Variants in RSU1 observed in about 807,000 individuals in gnomAD.
The protein encoded by RSU1 is rsu-1.
In RSU1, 26 loss-of-function variants were observed where a neutral mutation model predicts 31.1. That is an observed-to-expected ratio of 0.84 (90% CI 0.61 to 1.16). RSU1 has a LOEUF of 1.16. Among genes scored for constraint, RSU1 ranks in the 50% most tolerant of loss-of-function variants. The pLI, the probability that RSU1 is intolerant of heterozygous loss-of-function variation, is 0.00. For missense variants in RSU1, 320 were observed against 339.1 expected (o/e 0.94, Z 0.44); for synonymous variants, 164 against 136.3 (o/e 1.20, Z -1.41).
At chr10:16,628,771 A>C (rs774539651) in intron 8 of RSU1, among the ~76,000 whole-genome samples, 9 of 152,140 alleles carry the variant, frequency 5.9e-5, no homozygotes, top group Non-Finnish European at 1.0e-4. Flanking sequence ...TTTATAATTA[A>C]GTTTTTGCCT....
chr10:16,814,180 G>C (rs568369100), intron 2 of RSU1, among the ~76,000 whole-genome samples: 1 of 152,254 alleles, frequency 6.6e-6, no homozygotes, highest in South Asian at 2.1e-4. Context: ...TAGCTCACAT[G>C]TGTAATGCCA....
intron 2 of RSU1, among the ~76,000 whole-genome samples, chr10:16,812,829 A>C (rs1838436169): frequency 6.6e-6 from 1 of 152,190 alleles, no homozygotes; most frequent in South Asian, 2.1e-4. Context: ...TACAGCTGGG[A>C]TTCTGTCTCT....
At chr10:16,694,349 TATAA>T (rs1292207384) in intron 8 of RSU1, among the ~76,000 whole-genome samples, 6 of 152,298 alleles carry the variant, frequency 3.9e-5, no homozygotes, top group Admixed American at 3.9e-4. Context: ...CTACTGATTT[TATAA>T]ATAAACTGCT....
intron 7 of RSU1, among the ~76,000 whole-genome samples, chr10:16,743,659 A>T (rs1054637460): frequency 3.3e-5 from 5 of 152,208 alleles, no homozygotes; most frequent in African/African-American, 1.2e-4. Flanking sequence ...TTTCATAGTA[A>T]TAGGATTTAG....
chr10:16,646,041 CATATATGTGTATATATATAT>C lies in RSU1; in HGVS notation c.731+48962_731+48981del, dbSNP rs1206980865. ...ATATGTGTATATATATGTGTATATA[CATATATGTGTATATATATAT>C]ACACACACACACACACACACACACA... On this transcript the variant is annotated intron_variant, in intron 8 of 8. Transcript: ENST00000345264. 3.0e-4 allele frequency among the ~76,000 whole-genome samples: 17 copies of C among 56,424 alleles called. 3 individuals carry two copies. Among genetic ancestry groups the C allele is most frequent in the East Asian group, 1.0e-3 (2 of 1,944 alleles). 37.0% of individuals were successfully genotyped at this position (56,424 alleles called of 152,430 possible). A position where few individuals can be genotyped will look rare whatever the true frequency, so the allele number is the denominator to read the frequency against.
At chr10:16,675,188 G>A (rs1189355783) in intron 8 of RSU1, among the ~76,000 whole-genome samples, 27 of 136,746 alleles carry the variant, frequency 2.0e-4, no homozygotes, top group South Asian at 4.9e-4. Flanking sequence ...GTAACAGAGC[G>A]AGACTCTGTC....
At chr10:16,757,368 G>A (rs906438725) in intron 4 of RSU1, among the ~76,000 whole-genome samples, 13 of 152,082 alleles carry the variant, frequency 8.5e-5, no homozygotes, top group African/African-American at 2.4e-4. Context: ...CCTACCAAGA[G>A]GGCCTCACCA....
At chr10:16,660,617 GT>G (rs1429275203) in intron 8 of RSU1, among the ~76,000 whole-genome samples, 1 of 126,118 alleles carries the variant, frequency 7.9e-6, no homozygotes. Flanking sequence ...TTTTTCATGA[GT>G]TTCCAGTTCA....
intron 8 of RSU1, among the ~76,000 whole-genome samples, chr10:16,609,593 T>C (rs1455866528): frequency 6.6e-6 from 1 of 152,224 alleles, no homozygotes; most frequent in Non-Finnish European, 1.5e-5. Context: ...ACGACGACAC[T>C]GGATGGAACA....
At chr10:16,811,083 T>C (rs370951471) in intron 2 of RSU1, among the ~76,000 whole-genome samples, 5 of 152,224 alleles carry the variant, frequency 3.3e-5, no homozygotes, top group Admixed American at 2.0e-4. Flanking sequence ...AACAATAATG[T>C]ACTATATTTT....
chr10:16,777,920 C>T (rs949717109), intron 3 of RSU1, among the ~76,000 whole-genome samples: 3 of 151,788 alleles, frequency 2.0e-5, no homozygotes, highest in Non-Finnish European at 2.9e-5. Context: ...GCTGCGAGTC[C>T]TTTGTGTGCC....
At chr10:16,652,409 A>C (rs1184583871) in intron 8 of RSU1, among the ~76,000 whole-genome samples, 1 of 151,356 alleles carries the variant, frequency 6.6e-6, no homozygotes, top group Non-Finnish European at 1.5e-5. Context: ...AAAAAAAAAA[A>C]AAACCCGAGA....
In RSU1 at chr10:16,753,001, C is replaced by G. The variant is rs1309869650; in HGVS notation, c.401-1G>C. On this transcript the variant is annotated splice_acceptor_variant, in intron 5 of 8. Transcript: ENST00000345264. LOFTEE classifies it high-confidence loss of function. ...CTTAGATAGAGTGCACGCAGGGTGGCTGCAAATTAAACAGCAATATATAAA... is the reference window on the plus strand; with the variant it reads ...CTTAGATAGAGTGCACGCAGGGTGGGTGCAAATTAAACAGCAATATATAAA... 1 of 1,613,440 alleles carries G rather than the reference C, an allele frequency of 6.2e-7. No homozygotes were observed. The highest frequency in any genetic ancestry group is 1.3e-5 in the African/African-American group (1 of 74,908).
At chr10:16,627,494 C>T (rs1834178001) in intron 8 of RSU1, among the ~76,000 whole-genome samples, 1 of 152,118 alleles carries the variant, frequency 6.6e-6, no homozygotes. Context: ...TGGCTCACAC[C>T]TGTAATCCCA....
intron 8 of RSU1, among the ~76,000 whole-genome samples, chr10:16,642,279 A>G (rs951292616): frequency 6.6e-6 from 1 of 152,210 alleles, no homozygotes; most frequent in African/African-American, 2.4e-5. Flanking sequence ...TAATAAATGT[A>G]TGCAAAACCA....
rs541983937 is a variant in RSU1, at chr10:16,683,668, G to A, written c.731+11355C>T. 2.0e-5 allele frequency among the ~76,000 whole-genome samples: 3 copies of A among 152,288 alleles called. No individual in the cohort carries two copies. In the East Asian group the frequency reaches 5.8e-4, roughly 29 times the overall value. On this transcript the variant is annotated intron_variant, in intron 8 of 8. Coordinates refer to ENST00000345264, the MANE Select transcript of RSU1 (RefSeq NM_012425.4). ...TAAAATATTTGGAGAGATTTATTCTGAGCTAAATATGAGTGACCACGGTCG... is the reference window on the plus strand; with the variant it reads ...TAAAATATTTGGAGAGATTTATTCTAAGCTAAATATGAGTGACCACGGTCG...
intron 8 of RSU1, among the ~76,000 whole-genome samples, chr10:16,653,943 G>T (rs149628681): frequency 0.012 from 1,855 of 152,126 alleles, 36 homozygotes; most frequent in African/African-American, 0.042. Flanking sequence ...AATAATGCCT[G>T]TTTCTCCATA....
chr10:16,639,097 A>G (rs969440303), intron 8 of RSU1, among the ~76,000 whole-genome samples: 1 of 152,208 alleles, frequency 6.6e-6, no homozygotes, highest in Non-Finnish European at 1.5e-5. Flanking sequence ...TATGGGGTAA[A>G]TTATTTCTTG....
rs1378953399 is a variant in RSU1 at position 16,610,347 on chromosome 10, G to A, written c.732-16851C>T. On this transcript the variant is annotated intron_variant, in intron 8 of 8. Transcript: ENST00000345264. Reference sequence around the variant, plus strand: ...GTACTTAGATGAAAGACATTTTAAAGGCTGACGGCCCCTTTCCTGTCATCC... The same window carrying A: ...GTACTTAGATGAAAGACATTTTAAAAGCTGACGGCCCCTTTCCTGTCATCC... 2.6e-5 allele frequency among the ~76,000 whole-genome samples: 4 copies of A among 152,186 alleles called. No individual in the cohort carries two copies. In the East Asian group the frequency reaches 7.7e-4, roughly 29 times the overall value.
Sources: allele counts gnomAD v4.1 joint callset (sites outside exome capture counted in the v4.1 genomes callset), GRCh38; gene constraint gnomAD v4.1.1; transcripts MANE v1.5; gene names NCBI Gene and HGNC (gene_info 2026-07-23, HGNC 2026-07-21).